TRIM71: variants seen among roughly 807,000 people sequenced by gnomAD.
TRIM71 encodes tripartite motif containing 71, also known as E3 ubiquitin-protein ligase TRIM71.
Under a neutral mutation model 61.2 loss-of-function variants are expected in TRIM71, and 9 were observed. The ratio of observed to expected loss-of-function variants is 0.15; its 90% CI spans 0.09 to 0.26. TRIM71 has a LOEUF of 0.26. Ranked by LOEUF, TRIM71 falls within the 10% of genes least tolerant of loss-of-function variation. TRIM71 has a pLI of 1.00. For missense variants in TRIM71, 998 were observed against 1,238.7 expected, an observed-to-expected ratio of 0.81 and a Z score of 2.92; for synonymous variants, 645 against 553.2, an observed-to-expected ratio of 1.17 and a Z score of -2.33.
At chr3:32,833,634 T>TTTATTTA (rs1696300189) in intron 1 of TRIM71, among the ~76,000 whole-genome samples, 2 of 146,702 alleles carry the variant, frequency 1.4e-5, no homozygotes, top group African/African-American at 2.5e-5. Flanking sequence ...GAGAATGCTT[T>TTTATTTA]TTTATTTATT....
intron 1 of TRIM71, among the ~76,000 whole-genome samples, chr3:32,857,221 G>C (rs1433583648): frequency 1.3e-5 from 2 of 152,214 alleles, no homozygotes; most frequent in African/African-American, 4.8e-5. Flanking sequence ...GGAATAGCAT[G>C]CTTCTTTGCT....
chr3:32,853,478 G>A (rs1696562493), intron 1 of TRIM71, among the ~76,000 whole-genome samples: 1 of 152,106 alleles, frequency 6.6e-6, no homozygotes, highest in Admixed American at 6.6e-5. Flanking sequence ...TTATTAACTA[G>A]TACTCTATTA....
rs1696077036 is a variant in TRIM71 at position 32,818,120 on chromosome 3, C to T, written c.40C>T (p.Leu14=). The T allele has an allele frequency of 6.2e-7, 1 of 1,612,578 alleles. No individual in the cohort carries two copies. The highest frequency in any genetic ancestry group is 8.5e-7 in the Non-Finnish European group (1 of 1,179,308). Residue 14 remains leucine, a synonymous_variant, in exon 1 of 4, where the codon CTG becomes TTG. Transcript: ENST00000383763. ...FPETDFQICL[L]CKEMCGSPAP... ...CGAGACCGATTTCCAGATCTGCTTG[C>T]TGTGCAAGGAGATGTGCGGCTCGCC...
chr3:32,865,885 G>A (rs1181629185), intron 1 of TRIM71, among the ~76,000 whole-genome samples: 2 of 141,558 alleles, frequency 1.4e-5, no homozygotes, highest in East Asian at 4.3e-4. Context: ...GCTGGAGGCA[G>A]TGGAGATTTT....
At chr3:32,866,345 T>C (rs1441373612) in intron 1 of TRIM71, among the ~76,000 whole-genome samples, 1 of 151,636 alleles carries the variant, frequency 6.6e-6, no homozygotes, top group Non-Finnish European at 1.5e-5. Flanking sequence ...GCCCCCTGGG[T>C]TCAATCTATT....
intron 2 of TRIM71, among the ~76,000 whole-genome samples, chr3:32,884,548 A>G (rs1213766821): frequency 1.3e-5 from 2 of 151,860 alleles, no homozygotes; most frequent in Non-Finnish European, 2.9e-5. Flanking sequence ...TTGAAAAAAA[A>G]AAAAAAGAAA....
At chr3:32,854,556 G>C (rs1165130536) in intron 1 of TRIM71, among the ~76,000 whole-genome samples, 1 of 152,154 alleles carries the variant, frequency 6.6e-6, no homozygotes, top group African/African-American at 2.4e-5. Context: ...GAACTGGAAG[G>C]AACCTTAGTT....
At chr3:32,865,454 C>T (rs776317386) in intron 1 of TRIM71, among the ~76,000 whole-genome samples, 1 of 152,162 alleles carries the variant, frequency 6.6e-6, no homozygotes. Flanking sequence ...ACACTGATGG[C>T]TGTGTGGGTT....
chr3:32,819,189 C>G (rs554398989), intron 1 of TRIM71, among the ~76,000 whole-genome samples: 5 of 152,314 alleles, frequency 3.3e-5, no homozygotes, highest in Admixed American at 1.3e-4. Context: ...ATTTTAATTT[C>G]TGTGTGGCAA....
chr3:32,823,468 A>G (rs373214784), intron 1 of TRIM71, among the ~76,000 whole-genome samples: 7 of 152,210 alleles, frequency 4.6e-5, no homozygotes, highest in South Asian at 2.1e-4. Context: ...AAGATAAACT[A>G]TAGTGGTTTT....
At chr3:32,828,760 A>G (rs1203564170) in intron 1 of TRIM71, among the ~76,000 whole-genome samples, 1 of 151,952 alleles carries the variant, frequency 6.6e-6, no homozygotes, top group East Asian at 1.9e-4. Flanking sequence ...TGTCCTCCCA[A>G]AGTGCTGGGA....
intron 1 of TRIM71, among the ~76,000 whole-genome samples, chr3:32,844,849 C>T (rs576320897): frequency 2.0e-5 from 3 of 152,328 alleles, no homozygotes; most frequent in African/African-American, 7.2e-5. Context: ...CCAGTGGAGA[C>T]ATTGTATTTC....
chr3:32,876,593 A>G (rs927753156), intron 2 of TRIM71, among the ~76,000 whole-genome samples: 1 of 151,946 alleles, frequency 6.6e-6, no homozygotes, highest in Non-Finnish European at 1.5e-5. Flanking sequence ...CAAACAAACA[A>G]ACAGACAAAC....
intron 1 of TRIM71, among the ~76,000 whole-genome samples, chr3:32,825,411 C>G (rs1227747508): frequency 6.6e-6 from 1 of 151,926 alleles, no homozygotes; most frequent in Admixed American, 6.6e-5. Context: ...AAATTTAACC[C>G]CCTCTGAGTT....
intron 1 of TRIM71, among the ~76,000 whole-genome samples, chr3:32,819,247 G>A (rs1412227634): frequency 4.2e-5 from 3 of 70,636 alleles, no homozygotes; most frequent in African/African-American, 1.5e-4. Flanking sequence ...GGAGATAGGT[G>A]TGTGTGTTTG....
intron 1 of TRIM71, among the ~76,000 whole-genome samples, chr3:32,861,830 C>A (rs1310248520): frequency 6.6e-6 from 1 of 152,082 alleles, no homozygotes; most frequent in East Asian, 1.9e-4. Flanking sequence ...GGAGACAAAT[C>A]TCCGTAATTC....
intron 1 of TRIM71, among the ~76,000 whole-genome samples, chr3:32,836,204 G>A (rs1318067423): frequency 3.9e-5 from 6 of 152,052 alleles, no homozygotes; most frequent in African/African-American, 1.2e-4. Flanking sequence ...CGGAGAGCTT[G>A]CCTTCCACCA....
chr3:32,837,813 G>A lies in TRIM71; in HGVS notation c.852+18881G>A, dbSNP rs73044150. Among the ~76,000 whole-genome samples the A allele has an allele frequency of 3.6e-3, 552 of 151,682 alleles. 7 individuals are homozygous for A. The highest frequency in any genetic ancestry group is 7.1e-3 in the Admixed American group (108 of 15,232). The stretch of plus-strand genomic sequence containing the variant: ...AGAGCGAGACTCCATCTCAAAAAAA[G>A]AAAAAAAACCTCCTGAAGTCTTTAC... On this transcript the variant is annotated intron_variant, in intron 1 of 3. Transcript: ENST00000383763.
At chr3:32,845,309 A>G (rs1416697001) in intron 1 of TRIM71, among the ~76,000 whole-genome samples, 1 of 152,190 alleles carries the variant, frequency 6.6e-6, no homozygotes, top group African/African-American at 2.4e-5. Context: ...CACATGGCTC[A>G]AACCCACAGA....
Sources: gnomAD v4.1 joint callset for allele counts (sites outside exome capture counted in the v4.1 genomes callset) on GRCh38, gnomAD v4.1.1 for gene constraint, MANE v1.5 for transcripts, NCBI Gene and HGNC (gene_info 2026-07-23, HGNC 2026-07-21) for gene names.